The following DMAC2L variants were observed in gnomAD, a reference collection of about 807,000 sequenced individuals.
DMAC2L encodes the protein distal membrane arm assembly component 2 like.
Under a neutral mutation model 22.5 loss-of-function variants are expected in DMAC2L, and 21 were observed. That is an observed-to-expected ratio of 0.93 (90% confidence interval 0.66 to 1.34). DMAC2L has a LOEUF of 1.34. Among genes scored for constraint, DMAC2L ranks in the 40% most tolerant of loss-of-function variants. The pLI, the probability that DMAC2L is intolerant of heterozygous loss-of-function variation, is 0.00. For missense variants in DMAC2L, 239 were observed against 246.5 expected (o/e 0.97, Z 0.20); for synonymous variants, 86 against 89.5 (o/e 0.96, Z 0.22).
upstream of DMAC2L, chr14:50,312,284 A>T (rs7155144): frequency 1.3e-3 from 1,724 of 1,358,636 alleles, 18 homozygotes; most frequent in African/African-American, 0.022. Flanking sequence ...CATGTGGGAG[A>T]GGCTGCGGTG....
chr14:50,326,577 A>T lies in DMAC2L; in HGVS notation c.*854A>T, dbSNP rs113426815. The T allele has an allele frequency of 5.1e-5, 50 of 985,382 alleles. No homozygotes were observed. In the African/African-American group the frequency reaches 7.3e-4, roughly 14 times the overall value. 61.0% of individuals were successfully genotyped at this position (985,382 alleles called of 1,614,324 possible). ...TGTGTTCTTGATAGCATACAGACTT[A>T]CTCAGAATCAACAGTTGCTGCTTAA... is the stretch of plus-strand genomic sequence containing the variant. On this transcript the variant is annotated 3_prime_UTR_variant, in exon 6 of 6. Transcript: ENST00000557421.
intron 1 of DMAC2L, 166 bp downstream of exon 1, chr14:50,312,555 G>A (rs1216319523): frequency 2.7e-5 from 8 of 300,284 alleles, no homozygotes; most frequent in East Asian, 8.7e-5. Flanking sequence ...AACTCTGGGC[G>A]GGATTACGGT....
At chr14:50,323,866 A>G in intron 4 of DMAC2L, 79 bp from the exon 5 acceptor site, 1 of 1,277,190 alleles carries the variant, frequency 7.8e-7, no homozygotes, top group Non-Finnish European at 1.1e-6. Context: ...TCCTAAAACC[A>G]AGTCAGTCGT....
intron 1 of DMAC2L, chr14:50,312,777 A>T: frequency 1.9e-6 from 1 of 519,426 alleles, no homozygotes; most frequent in Non-Finnish European, 3.4e-6. Flanking sequence ...TCCGGCCCTA[A>T]TCCTCGCTCC....
At chr14:50,312,059 G>A (rs544332178), upstream of DMAC2L, 1 of 1,594,910 alleles carries the variant, frequency 6.3e-7, no homozygotes, top group South Asian at 1.1e-5. Context: ...TGGCCTCCCA[G>A]ACGCGAACCC....
upstream of DMAC2L, chr14:50,311,559 G>A: frequency 2.2e-6 from 1 of 444,626 alleles, no homozygotes; most frequent in South Asian, 1.6e-5. Context: ...ACTATGCGGG[G>A]TGTGCCAGGA....
At chr14:50,312,602 C>G (rs1422067245) in intron 1 of DMAC2L, 1 of 275,780 alleles carries the variant, frequency 3.6e-6, no homozygotes, top group African/African-American at 2.3e-5. Context: ...CGGCTTCTTT[C>G]TTCCGGCTCG....
intron 2 of DMAC2L, among the ~76,000 whole-genome samples, chr14:50,315,763 T>G (rs2031740245): frequency 6.6e-6 from 1 of 152,100 alleles, no homozygotes; most frequent in South Asian, 2.1e-4. Flanking sequence ...CTAACTAGTA[T>G]TCCATCATAT....
At chr14:50,312,612 G>A (rs2031332162) in intron 1 of DMAC2L, 1 of 272,322 alleles carries the variant, frequency 3.7e-6, no homozygotes, top group Non-Finnish European at 6.8e-6. Context: ...CTTCCGGCTC[G>A]CCCTCGGCCC....
intron 2 of DMAC2L, chr14:50,321,279 A>G: frequency 1.1e-6 from 1 of 939,394 alleles, no homozygotes; most frequent in Non-Finnish European, 1.4e-6. Context: ...AGCCTTAGAC[A>G]CCATCCAGTC....
intron 1 of DMAC2L, chr14:50,313,143 T>A (rs139674067): frequency 1.7e-6 from 2 of 1,190,192 alleles, no homozygotes; most frequent in Non-Finnish European, 2.5e-6. Context: ...TCTTTAAAAT[T>A]GTCACTGTGC....
chr14:50,322,518 TA>T lies in DMAC2L; in HGVS notation c.116del (p.Tyr39LeufsTer60). 6.2e-7 allele frequency: 1 copy of T among 1,602,282 alleles called. No homozygotes were observed. Among genetic ancestry groups the T allele is most frequent in the Non-Finnish European group, 8.5e-7 (1 of 1,170,546 alleles). ...WLNAVFNKVD[Y>X]DRIRDVGPDR... is the part of the protein sequence containing the mutation. ...TTTTTCTCTTGCCAACAGGGTGGAT[TA>T]TGATCGCATCAGGGATGTTGGCCCT... On this transcript the variant is annotated frameshift_variant, in exon 4 of 6. Transcript: ENST00000557421. LOFTEE classifies it high-confidence loss of function.
At chr14:50,313,110 T>C in intron 1 of DMAC2L, 2 of 1,442,934 alleles carry the variant, frequency 1.4e-6, no homozygotes, top group Non-Finnish European at 2.0e-6. Flanking sequence ...ATGGGCTGTG[T>C]AATCTCTAAA....
chr14:50,321,723 A>C, intron 3 of DMAC2L, 129 bp downstream of exon 3: 1 of 558,464 alleles, frequency 1.8e-6, no homozygotes, highest in Non-Finnish European at 3.1e-6. Flanking sequence ...TTACAAACAA[A>C]CAAAACCCAC....
intron 2 of DMAC2L, among the ~76,000 whole-genome samples, chr14:50,314,959 T>G (rs573882254): frequency 8.8e-5 from 13 of 148,228 alleles, no homozygotes; most frequent in Non-Finnish European, 1.8e-4. Context: ...TCATTCTTTT[T>G]TATTTATTTG....
At chr14:50,322,343 T>C (rs2032344099) in intron 3 of DMAC2L, among the ~76,000 whole-genome samples, 168 bp from the exon 4 acceptor site, 1 of 99,638 alleles carries the variant, frequency 1.0e-5, no homozygotes, top group African/African-American at 3.7e-5. Flanking sequence ...ACTGCAGGTT[T>C]TTTTGTTTTT....
At chr14:50,323,696 A>ATGTGGGCATTTCTTTCCTCCAGTG (rs1431348445) in intron 4 of DMAC2L, among the ~76,000 whole-genome samples, 3 of 152,126 alleles carry the variant, frequency 2.0e-5, no homozygotes, top group Admixed American at 1.3e-4. Flanking sequence ...GCCTGGCCCT[A>ATGTGGGCATTTCTTTCCTCCAGTG]TGTGGGCATT....
At position 50,312,349 on chromosome 14, in the gene DMAC2L, G is replaced by A. The variant is rs890644301; in HGVS notation, c.-82G>A. 1.4e-6 allele frequency: 1 copy of A among 693,676 alleles called. No individual in the cohort carries two copies. 43.0% of individuals were successfully genotyped at this position (693,676 alleles called of 1,614,324 possible). On this transcript the variant is annotated 5_prime_UTR_variant, in exon 1 of 6. Transcript: ENST00000557421. Reference sequence around the variant, plus strand: ...GGGCCGGCCAGGGTGCCGCAGACGCGGGGACGCTGGCTCGCTCCCTCCCTC... The same window carrying A: ...GGGCCGGCCAGGGTGCCGCAGACGCAGGGACGCTGGCTCGCTCCCTCCCTC...
intron 2 of DMAC2L, among the ~76,000 whole-genome samples, chr14:50,317,482 AGT>A (rs2031903156): frequency 6.6e-6 from 1 of 152,090 alleles, no homozygotes; most frequent in Non-Finnish European, 1.5e-5. Flanking sequence ...AAGTGATGAG[AGT>A]GGGGCTGGGT....
Sources: gnomAD v4.1 joint callset for allele counts (sites outside exome capture counted in the v4.1 genomes callset) on GRCh38, gnomAD v4.1.1 for gene constraint, MANE v1.5 for transcripts, NCBI Gene and HGNC (gene_info 2026-07-23, HGNC 2026-07-21) for gene names.